The following XIRP2 variants were observed in gnomAD, a reference collection of about 807,000 sequenced individuals.
The protein encoded by XIRP2 is xin actin binding repeat containing 2.
XIRP2 carries 236 observed loss-of-function variants against 277.0 expected under a neutral mutation model. The observed-to-expected ratio is 0.85, with a 90% CI of 0.77 to 0.95. The LOEUF (loss-of-function observed/expected upper bound fraction) is 0.95. Ranked by LOEUF, XIRP2 falls within the 40% of genes least tolerant of loss-of-function variation. The probability of loss-of-function intolerance (pLI) is 0.00; values close to 1 mark genes in which losing one functional copy is unlikely to be tolerated. For missense variants in XIRP2, 4,640 were observed against 4,157.5 expected (o/e 1.12, Z -3.19); for synonymous variants, 1,490 against 1,416.5 (o/e 1.05, Z -1.17).
intron 2 of XIRP2, among the ~76,000 whole-genome samples, chr2:166,974,466 T>G (rs1276076479): frequency 6.6e-6 from 1 of 152,050 alleles, no homozygotes; most frequent in African/African-American, 2.4e-5. Flanking sequence ...GTTATATATA[T>G]ATACACATAT....
At chr2:167,084,257 A>G (rs1689850140) in intron 2 of XIRP2, among the ~76,000 whole-genome samples, 1 of 152,174 alleles carries the variant, frequency 6.6e-6, no homozygotes, top group Non-Finnish European at 1.5e-5. Context: ...TGATTTGCGT[A>G]TATTGAACCA....
At chr2:167,131,780 A>G (rs548122886) in intron 2 of XIRP2, among the ~76,000 whole-genome samples, 31 of 152,240 alleles carry the variant, frequency 2.0e-4, no homozygotes, top group Non-Finnish European at 3.7e-4. Flanking sequence ...CGGAAGGCAG[A>G]TGACTTAAAT....
intron 3 of XIRP2, among the ~76,000 whole-genome samples, chr2:167,156,231 G>A (rs1313692000): frequency 6.6e-6 from 1 of 152,052 alleles, no homozygotes; most frequent in Admixed American, 6.6e-5. Context: ...TTTCTTCACA[G>A]AATTGGAAAA....
chr2:167,191,266 T>A (rs1693324854), intron 3 of XIRP2, among the ~76,000 whole-genome samples: 1 of 151,428 alleles, frequency 6.6e-6, no homozygotes, highest in African/African-American at 2.4e-5. Flanking sequence ...AAGACCTCAG[T>A]AACTAGTTCA....
intron 2 of XIRP2, among the ~76,000 whole-genome samples, chr2:166,937,911 A>G (rs181485684): frequency 3.7e-4 from 56 of 152,194 alleles, no homozygotes; most frequent in Admixed American, 8.5e-4. Flanking sequence ...CTCTGATGGT[A>G]TTTTGTATTT....
intron 3 of XIRP2, among the ~76,000 whole-genome samples, chr2:167,147,410 A>G (rs1691892746): frequency 6.6e-6 from 1 of 152,152 alleles, no homozygotes; most frequent in Non-Finnish European, 1.5e-5. Context: ...GCACTTACCC[A>G]GGTCAGATTG....
rs370293164 is a variant in XIRP2, at chr2:167,227,249, A to G, written c.858+8949A>G. On this transcript the variant is annotated intron_variant, in intron 5 of 10. Transcript: ENST00000409195. ...CAAAAAATAGAATAGGAGACTGTGA[A>G]GAATCCAGAGAAAGCAAAGGCTTAA... Among the ~76,000 whole-genome samples, 27 of 152,308 alleles carry G rather than the reference A, an allele frequency of 1.8e-4. 1 individual carries two copies. The East Asian group carries it at 3.5e-3, about 20-fold the overall frequency.
At chr2:167,132,400 AAG>A (rs1190152935) in intron 2 of XIRP2, among the ~76,000 whole-genome samples, 4 of 152,096 alleles carry the variant, frequency 2.6e-5, no homozygotes, top group Admixed American at 1.3e-4. Context: ...TCTAATAACA[AAG>A]AATTATCTGG....
At chr2:166,900,151 C>G (rs1684344517) in intron 1 of XIRP2, among the ~76,000 whole-genome samples, 1 of 151,952 alleles carries the variant, frequency 6.6e-6, no homozygotes, top group Non-Finnish European at 1.5e-5. Context: ...CAACTTGTCT[C>G]TTAGTTTCTA....
At chr2:166,901,780 A>AT (rs1340933761) in intron 1 of XIRP2, among the ~76,000 whole-genome samples, 1 of 152,042 alleles carries the variant, frequency 6.6e-6, no homozygotes, top group African/African-American at 2.4e-5. Context: ...TTTTATTGAG[A>AT]TTTTTTATAA....
In XIRP2 at chr2:167,258,874, A is replaced by C; in HGVS notation, c.*1057A>C. 6.2e-7 allele frequency: 1 copy of C among 1,613,308 alleles called. No homozygotes were observed. Among genetic ancestry groups the C allele is most frequent in the East Asian group, 2.2e-5 (1 of 44,822 alleles). ...AAAAGACTTATTCGAGGAATGTACT[A>C]GCAATGGCTCTGAAGAAACAGACTG... On this transcript the variant is annotated 3_prime_UTR_variant, in exon 11 of 11. Transcript: ENST00000409195.
chr2:167,200,400 A>G (rs994383779), intron 3 of XIRP2, among the ~76,000 whole-genome samples: 4 of 152,208 alleles, frequency 2.6e-5, no homozygotes, highest in African/African-American at 9.6e-5. Flanking sequence ...ATTTTACCTA[A>G]AAAACATAGA....
intron 2 of XIRP2, among the ~76,000 whole-genome samples, chr2:167,083,494 G>A (rs1558973051): frequency 6.6e-6 from 1 of 152,218 alleles, no homozygotes; most frequent in Admixed American, 6.5e-5. Context: ...GTCATTGGTA[G>A]CTTGATGGGG....
intron 2 of XIRP2, among the ~76,000 whole-genome samples, chr2:167,067,797 T>C (rs1484916032): frequency 6.6e-6 from 1 of 152,206 alleles, no homozygotes. Context: ...AAGGTATGCC[T>C]GTAAATGTCT....
chr2:167,120,262 A>G (rs992632301), intron 2 of XIRP2, among the ~76,000 whole-genome samples: 1 of 152,138 alleles, frequency 6.6e-6, no homozygotes, highest in African/African-American at 2.4e-5. Flanking sequence ...AGAGCTCTGC[A>G]CTATTTCTAG....
intron 2 of XIRP2, among the ~76,000 whole-genome samples, chr2:166,956,611 C>T (rs966348554): frequency 2.6e-5 from 4 of 151,744 alleles, no homozygotes; most frequent in African/African-American, 7.3e-5. Flanking sequence ...TAAAAAAAGT[C>T]CAGGGTTGCT....
rs764802833 is a variant in XIRP2, at chr2:167,248,792, T to C, written c.7400T>C (p.Met2467Thr). 1.2e-6 allele frequency: 2 copies of C among 1,613,666 alleles called. No individual in the cohort carries two copies. The highest frequency in any genetic ancestry group is 1.7e-6 in the Non-Finnish European group (2 of 1,179,788). The change falls in exon 9 of 11, where the codon ATG (methionine) becomes ACG (threonine). Residue 2467 changes from methionine to threonine, a missense_variant. Met to Thr is a moderately conservative substitution (Grantham distance 81). Coordinates refer to ENST00000409195, the MANE Select transcript of XIRP2 (RefSeq NM_152381.6). ...ACCTCAAAGGATCAGAAAAAAGTAA[T>C]GGTGATGACCAGCAGTGAACACACG... ...ITTSKDQKKV[M>T]VMTSSEHTET...
chr2:167,151,215 C>G (rs73017957), intron 3 of XIRP2, among the ~76,000 whole-genome samples: 15,123 of 152,082 alleles, frequency 0.099, 809 homozygotes, highest in South Asian at 0.15. Flanking sequence ...ATTCCATCAG[C>G]CTTATAGGAT....
rs1689432981 is a variant in XIRP2, at chr2:167,071,363, T to C, written c.409-64546T>C. ...CAAACATCTACACCAAAAAAATGCG[T>C]TATTAAAAAGTAATATGAGTTACAA... On this transcript the variant is annotated intron_variant, in intron 2 of 10. Transcript: ENST00000409195. Among the ~76,000 whole-genome samples, 3 of 152,158 alleles carry C rather than the reference T, an allele frequency of 2.0e-5. No individual in the cohort carries two copies. In the South Asian group the frequency reaches 6.2e-4, roughly 32 times the overall value.
Sources: allele counts gnomAD v4.1 joint callset (sites outside exome capture counted in the v4.1 genomes callset), GRCh38; gene constraint gnomAD v4.1.1; transcripts MANE v1.5; gene names NCBI Gene and HGNC (gene_info 2026-07-23, HGNC 2026-07-21).